Variants in TP63 observed in about 807,000 individuals in gnomAD.
TP63 encodes tumor protein 63.
A neutral mutation model predicts 82.8 loss-of-function variants in TP63; 17 were observed. The observed-to-expected ratio is 0.21, with a 90% CI of 0.14 to 0.31. TP63 has a LOEUF of 0.31. Among genes scored for constraint, TP63 ranks in the 10% least tolerant of loss-of-function variants. The probability of loss-of-function intolerance (pLI) is 1.00; values close to 1 mark genes in which losing one functional copy is unlikely to be tolerated. For missense variants in TP63, 648 were observed against 895.3 expected (o/e 0.72, Z 3.52); for synonymous variants, 330 against 321.7 (o/e 1.03, Z -0.28).
intron 1 of TP63, among the ~76,000 whole-genome samples, chr3:189,671,385 T>A (rs192198308): frequency 6.6e-4 from 100 of 151,954 alleles, no homozygotes; most frequent in Admixed American, 1.4e-3. Flanking sequence ...CAAAAAGAAA[T>A]CACAAATGCT....
chr3:189,778,345 G>C (rs1723978667), intron 3 of TP63, among the ~76,000 whole-genome samples: 2 of 152,170 alleles, frequency 1.3e-5, no homozygotes, highest in African/African-American at 4.8e-5. Flanking sequence ...ATAGTTTGAT[G>C]TATCAATAAA....
chr3:189,861,386 T>G (rs1430841019), intron 4 of TP63, among the ~76,000 whole-genome samples: 1 of 149,796 alleles, frequency 6.7e-6, no homozygotes, highest in Non-Finnish European at 1.5e-5. Flanking sequence ...TTTGAAGCAT[T>G]AAAACGTTTG....
chr3:189,838,189 T>C (rs1713424847), intron 4 of TP63, among the ~76,000 whole-genome samples: 1 of 152,120 alleles, frequency 6.6e-6, no homozygotes, highest in African/African-American at 2.4e-5. Flanking sequence ...CCTTCCTCTC[T>C]CCTATTTATT....
At chr3:189,617,416 T>A in the TP63 span, among the ~76,000 whole-genome samples, 1 of 152,206 alleles carries the variant, frequency 6.6e-6, no homozygotes, top group Non-Finnish European at 1.5e-5. Flanking sequence ...AAAAATATAT[T>A]CATCCAAATC....
chr3:189,850,968 A>G (rs1235838846), intron 4 of TP63, among the ~76,000 whole-genome samples: 4 of 152,238 alleles, frequency 2.6e-5, no homozygotes, highest in Non-Finnish European at 5.9e-5. Context: ...CTTTCTCACC[A>G]GGTTGAGATA....
intron 1 of TP63, among the ~76,000 whole-genome samples, chr3:189,676,093 T>A (rs538094435): frequency 1.9e-4 from 29 of 152,322 alleles, no homozygotes; most frequent in African/African-American, 6.7e-4. Context: ...ATGCGTACAT[T>A]GTTAACTGAG....
At chr3:189,604,879 T>TC in the TP63 span, among the ~76,000 whole-genome samples, 1 of 152,178 alleles carries the variant, frequency 6.6e-6, no homozygotes, top group East Asian at 1.9e-4. Flanking sequence ...CTTTACATGG[T>TC]TTATTTACCT....
At chr3:189,889,586 G>C (rs1179602397) in intron 12 of TP63, 102 bp downstream of exon 12, 5 of 1,517,702 alleles carry the variant, frequency 3.3e-6, no homozygotes, top group Non-Finnish European at 4.6e-6. Context: ...AGGGAAGACA[G>C]CAGTCCTGTG....
At chr3:189,836,857 G>A (rs12490015) in intron 4 of TP63, among the ~76,000 whole-genome samples, 53,695 of 151,934 alleles carry the variant, frequency 0.35, 9,652 homozygotes, top group East Asian at 0.51. Flanking sequence ...AATTCCCCAC[G>A]GCTAATAATA....
chr3:189,868,918 A>T (rs147687119), intron 8 of TP63, among the ~76,000 whole-genome samples: 1 of 152,190 alleles, frequency 6.6e-6, no homozygotes, highest in Non-Finnish European at 1.5e-5. Context: ...ACAAGTAGTC[A>T]TTGTGACAAT....
At chr3:189,829,731 T>C (rs987744990) in intron 4 of TP63, among the ~76,000 whole-genome samples, 6 of 152,168 alleles carry the variant, frequency 3.9e-5, no homozygotes, top group Non-Finnish European at 8.8e-5. Context: ...AACTATTTGG[T>C]TGGTGCAAAA....
chr3:189,709,597 A>G (rs966853692), intron 1 of TP63, among the ~76,000 whole-genome samples: 3 of 152,146 alleles, frequency 2.0e-5, no homozygotes, highest in Non-Finnish European at 2.9e-5. Context: ...AAGAATTACA[A>G]TTGTGCCACT....
chr3:189,750,995 A>T (rs145520059), intron 3 of TP63, among the ~76,000 whole-genome samples: 4,224 of 151,744 alleles, frequency 0.028, 78 homozygotes, highest in Admixed American at 0.052. Context: ...ACAGGCCCTG[A>T]TGTGTGATGT....
the TP63 span, among the ~76,000 whole-genome samples, chr3:189,600,767 T>C: frequency 1.3e-5 from 2 of 152,204 alleles, no homozygotes; most frequent in Non-Finnish European, 2.9e-5. Flanking sequence ...GTAGGTTCAA[T>C]AAGAGTTGCA....
chr3:189,782,838 T>C (rs1177555727), intron 3 of TP63, among the ~76,000 whole-genome samples: 1 of 152,118 alleles, frequency 6.6e-6, no homozygotes, highest in Non-Finnish European at 1.5e-5. Context: ...ATTTTGTTGA[T>C]GAGTTTTTAC....
chr3:189,674,533 A>G (rs1715215510), intron 1 of TP63, among the ~76,000 whole-genome samples: 1 of 152,130 alleles, frequency 6.6e-6, no homozygotes, highest in South Asian at 2.1e-4. Flanking sequence ...TTTTTTTCCA[A>G]AACCTGAGAA....
At chr3:189,783,275 T>C (rs919205283) in intron 3 of TP63, among the ~76,000 whole-genome samples, 31 of 152,124 alleles carry the variant, frequency 2.0e-4, no homozygotes, top group African/African-American at 7.5e-4. Context: ...CAGATACATA[T>C]GTACATACTT....
At chr3:189,868,556 C>T (rs2108805961) in intron 7 of TP63, 24 bp from the exon 8 acceptor site, 2 of 1,613,552 alleles carry the variant, frequency 1.2e-6, no homozygotes, top group Non-Finnish European at 1.7e-6. Flanking sequence ...TTAACTCTTT[C>T]TTCCCCTTTA....
chr3:189,848,858 G>A (rs1188333110), intron 4 of TP63, among the ~76,000 whole-genome samples: 1 of 152,046 alleles, frequency 6.6e-6, no homozygotes, highest in Non-Finnish European at 1.5e-5. Context: ...TAAAATCCTT[G>A]GAATTTCCAA....
Sources: allele counts gnomAD v4.1 joint callset (sites outside exome capture counted in the v4.1 genomes callset), GRCh38; gene constraint gnomAD v4.1.1; transcripts MANE v1.5; gene names NCBI Gene and HGNC (gene_info 2026-07-23, HGNC 2026-07-21).